The following TSHR variants were observed in gnomAD, a reference collection of about 807,000 sequenced individuals.
TSHR encodes thyrotropin receptor.
Under a neutral mutation model 64.1 loss-of-function variants are expected in TSHR, and 51 were observed. The ratio of observed to expected loss-of-function variants is 0.80; its 90% CI spans 0.64 to 1.01. The LOEUF is 1.01. Among genes scored for constraint, TSHR ranks in the 50% least tolerant of loss-of-function variants. The pLI is 0.00. For missense variants in TSHR, 877 were observed against 942.8 expected (o/e 0.93, Z 0.91); for synonymous variants, 361 against 361.9 (o/e 1.00, Z 0.03).
At chr14:81,139,390 C>G (rs544677265) in intron 8 of TSHR, among the ~76,000 whole-genome samples, 1 of 152,286 alleles carries the variant, frequency 6.6e-6, no homozygotes, top group African/African-American at 2.4e-5. Context: ...AAATTGACAT[C>G]TCTCTCTGAT....
intron 8 of TSHR, among the ~76,000 whole-genome samples, chr14:81,111,001 G>C (rs1424721946): frequency 6.6e-6 from 1 of 152,132 alleles, no homozygotes; most frequent in East Asian, 1.9e-4. Context: ...TAAAATGTAT[G>C]TTTAGTGTGT....
At chr14:80,987,932 T>C (rs1314716293) in intron 1 of TSHR, among the ~76,000 whole-genome samples, 1 of 152,220 alleles carries the variant, frequency 6.6e-6, no homozygotes, top group East Asian at 1.9e-4. Flanking sequence ...CTTGAAATTC[T>C]ATTAGAAATT....
intron 1 of TSHR, among the ~76,000 whole-genome samples, chr14:80,957,280 AC>A (rs757248262): frequency 2.6e-5 from 4 of 151,846 alleles, no homozygotes; most frequent in Non-Finnish European, 5.9e-5. Context: ...GGTAAGCTAT[AC>A]CCCCCTTCCC....
chr14:81,130,407 C>T (rs1170436654), intron 8 of TSHR, among the ~76,000 whole-genome samples: 1 of 152,200 alleles, frequency 6.6e-6, no homozygotes, highest in African/African-American at 2.4e-5. Context: ...GTTGCTGACT[C>T]CATCCTCCTT....
At chr14:80,979,848 T>C (rs1888078812) in intron 1 of TSHR, among the ~76,000 whole-genome samples, 1 of 152,202 alleles carries the variant, frequency 6.6e-6, no homozygotes, top group African/African-American at 2.4e-5. Flanking sequence ...AACATTTTTT[T>C]CCACCTGAAT....
chr14:81,038,909 G>A (rs906059476), intron 1 of TSHR, among the ~76,000 whole-genome samples: 12 of 151,394 alleles, frequency 7.9e-5, no homozygotes, highest in South Asian at 4.1e-4. Flanking sequence ...AAAAATTTCC[G>A]ATCACAGAAA....
At chr14:81,078,623 T>G (rs1051950782) in intron 3 of TSHR, 2 of 152,258 alleles carry the variant, frequency 1.3e-5, no homozygotes, top group Non-Finnish European at 2.9e-5. Context: ...ATGCCAGTTC[T>G]AGTCCCAGTC....
At chr14:81,073,856 C>T (rs934884162) in intron 3 of TSHR, among the ~76,000 whole-genome samples, 4 of 152,140 alleles carry the variant, frequency 2.6e-5, no homozygotes, top group African/African-American at 9.6e-5. Context: ...GTAAAGACAA[C>T]AACAGTCTTC....
At chr14:80,996,432 G>GACT (rs1298334908) in intron 1 of TSHR, among the ~76,000 whole-genome samples, 3 of 152,216 alleles carry the variant, frequency 2.0e-5, no homozygotes, top group South Asian at 4.1e-4. Flanking sequence ...AAGTGACGAT[G>GACT]ACTGGTTTAT....
intron 8 of TSHR, among the ~76,000 whole-genome samples, chr14:81,129,484 C>A (rs1189501502): frequency 6.6e-6 from 1 of 152,232 alleles, no homozygotes; most frequent in Non-Finnish European, 1.5e-5. Flanking sequence ...TGGGCTTTTG[C>A]AGCTGAACAT....
At chr14:80,966,154 T>A (rs1887288498) in intron 1 of TSHR, among the ~76,000 whole-genome samples, 1 of 152,246 alleles carries the variant, frequency 6.6e-6, no homozygotes, top group South Asian at 2.1e-4. Flanking sequence ...AGACTGAAAT[T>A]GTTTCCTCTT....
intron 3 of TSHR, among the ~76,000 whole-genome samples, chr14:81,075,783 T>G (rs1240354462): frequency 2.0e-5 from 3 of 151,380 alleles, no homozygotes; most frequent in East Asian, 1.9e-4. Context: ...GACCCAGCCA[T>G]CCCATTACTG....
chr14:81,079,489 C>T (rs1436746902), intron 3 of TSHR, among the ~76,000 whole-genome samples: 7 of 152,142 alleles, frequency 4.6e-5, no homozygotes, highest in African/African-American at 9.7e-5. Flanking sequence ...AATTTGAACC[C>T]AAAAGTGTCT....
intron 1 of TSHR, among the ~76,000 whole-genome samples, chr14:81,043,704 T>A (rs1594991995): frequency 6.6e-6 from 1 of 152,104 alleles, no homozygotes; most frequent in East Asian, 1.9e-4. Flanking sequence ...GCTACAGTAA[T>A]GAAAACAGCA....
At chr14:81,055,548 T>C (rs1249778380) in intron 1 of TSHR, among the ~76,000 whole-genome samples, 1 of 152,160 alleles carries the variant, frequency 6.6e-6, no homozygotes, top group Non-Finnish European at 1.5e-5. Context: ...AGGGAGGCTG[T>C]ACCCTGTAAA....
chr14:81,028,978 AG>A (rs1357822067), intron 1 of TSHR, among the ~76,000 whole-genome samples: 3 of 151,704 alleles, frequency 2.0e-5, no homozygotes, highest in African/African-American at 7.3e-5. Context: ...CAGAGCCTAT[AG>A]ATATTTTTAA....
intron 1 of TSHR, among the ~76,000 whole-genome samples, chr14:81,006,532 T>A (rs73349940): frequency 0.11 from 16,090 of 151,850 alleles, 2,764 homozygotes; most frequent in African/African-American, 0.37. Context: ...TTTTTTTTTT[T>A]AATCTGAGTC....
At chr14:80,984,235 T>A (rs1028092915) in intron 1 of TSHR, among the ~76,000 whole-genome samples, 3 of 152,214 alleles carry the variant, frequency 2.0e-5, no homozygotes, top group Non-Finnish European at 4.4e-5. Context: ...ATCCAGAATT[T>A]CAGACAAATG....
At chr14:81,082,524 G>A (rs1040772103) in intron 3 of TSHR, among the ~76,000 whole-genome samples, 13 of 152,144 alleles carry the variant, frequency 8.5e-5, no homozygotes, top group Non-Finnish European at 1.6e-4. Context: ...TGCTAAGTCC[G>A]AGTGCACTCA....
Sources: allele counts gnomAD v4.1 joint callset (sites outside exome capture counted in the v4.1 genomes callset), GRCh38; gene constraint gnomAD v4.1.1; transcripts MANE v1.5; gene names NCBI Gene and HGNC (gene_info 2026-07-23, HGNC 2026-07-21).